The following FAM234A variants were observed in gnomAD, a reference collection of about 807,000 sequenced individuals.
The protein encoded by FAM234A is family with sequence similarity 234 member A, also known as protein FAM234A.
A neutral mutation model predicts 49.1 loss-of-function variants in FAM234A; 42 were observed. That is an observed-to-expected ratio of 0.86 (90% CI 0.67 to 1.11). FAM234A has a LOEUF of 1.11. Among genes scored for constraint, FAM234A ranks in the 50% least tolerant of loss-of-function variants. The pLI is 0.00. For synonymous variants in FAM234A, 369 were observed against 316.2 expected, an observed-to-expected ratio of 1.17 and a Z score of -1.77; for missense variants, 815 against 745.2, an observed-to-expected ratio of 1.09 and a Z score of -1.09.
intron 2 of FAM234A, among the ~76,000 whole-genome samples, chr16:252,448 C>G (rs1194231107): frequency 6.6e-6 from 1 of 152,098 alleles, no homozygotes; most frequent in East Asian, 1.9e-4. Flanking sequence ...CTCAAAAGTG[C>G]TGGGATTACA....
intron 5 of FAM234A, among the ~76,000 whole-genome samples, chr16:260,972 G>A (rs1398375393): frequency 2.0e-5 from 3 of 152,154 alleles, no homozygotes; most frequent in African/African-American, 7.2e-5. Context: ...CCAAGGGCAC[G>A]CCTGCAACCC....
chr16:267,748 C>T (rs979446580), downstream of FAM234A, among the ~76,000 whole-genome samples: 4 of 150,238 alleles, frequency 2.7e-5, no homozygotes, highest in Non-Finnish European at 4.4e-5. Context: ...CAGTGCTACA[C>T]ATGCCTCATA....
At chr16:256,304 C>T (rs1273636023) in intron 3 of FAM234A, among the ~76,000 whole-genome samples, 4 of 152,082 alleles carry the variant, frequency 2.6e-5, no homozygotes, top group Non-Finnish European at 5.9e-5. Context: ...AGCGACTGCA[C>T]CATTTGACTA....
chr16:269,292 C>A (rs2051805304), downstream of FAM234A: 1 of 1,580,558 alleles, frequency 6.3e-7, no homozygotes, highest in East Asian at 2.3e-5. Flanking sequence ...TCTCCACCCC[C>A]AGGGCCACAA....
chr16:251,839 T>C (rs2051025954), intron 2 of FAM234A, among the ~76,000 whole-genome samples: 1 of 150,330 alleles, frequency 6.7e-6, no homozygotes, highest in Non-Finnish European at 1.5e-5. Context: ...CCATCTCTAC[T>C]AAAAATACAA....
chr16:235,539 A>G (rs907815909), intron 1 of FAM234A, among the ~76,000 whole-genome samples: 2 of 152,100 alleles, frequency 1.3e-5, no homozygotes, highest in African/African-American at 4.8e-5. Context: ...GACTGATAGG[A>G]TATCAGGGTA....
chr16:235,062 G>T (rs1203745675), intron 1 of FAM234A, among the ~76,000 whole-genome samples: 1 of 152,226 alleles, frequency 6.6e-6, no homozygotes, highest in Non-Finnish European at 1.5e-5. Flanking sequence ...CAGCGGGTCG[G>T]CAGCAGCGCC....
chr16:265,452 C>G lies in FAM234A; in HGVS notation c.*430C>G, dbSNP rs1446949889. On this transcript the variant is annotated 3_prime_UTR_variant, in exon 13 of 13. Coordinates refer to ENST00000399932, the MANE Select transcript of FAM234A (RefSeq NM_032039.4). ...GGGTGTCCCCGGGACAGGCCGTCCC[C>G]CACCCCATCCTGTAGAAGTCCATTC... 3.0e-6 allele frequency: 3 copies of G among 999,964 alleles called. No individual in the cohort carries two copies. Among genetic ancestry groups the G allele is most frequent in the South Asian group, 9.1e-5 (2 of 22,088 alleles). 61.9% of individuals were successfully genotyped at this position (999,964 alleles called of 1,614,324 possible).
chr16:239,250 A>C lies in FAM234A; in HGVS notation c.-140+4393A>C, dbSNP rs576331419. Among the ~76,000 whole-genome samples, 49 of 137,282 alleles carry C rather than the reference A, an allele frequency of 3.6e-4. No homozygotes were observed. The South Asian group carries it at 9.8e-3, about 28-fold the overall frequency. 90.1% of individuals were successfully genotyped at this position (137,282 alleles called of 152,430 possible). On this transcript the variant is annotated intron_variant, in intron 1 of 12. Coordinates refer to ENST00000399932, the MANE Select transcript of FAM234A (RefSeq NM_032039.4). ...AGGAGGCAGAGGTTGCAGTGAGCTG[A>C]GATTGCACCACTACATTCCAGCCTG...
downstream of FAM234A, among the ~76,000 whole-genome samples, chr16:268,082 A>G (rs1323829470): frequency 7.3e-6 from 1 of 137,064 alleles, no homozygotes; most frequent in East Asian, 2.3e-4. Flanking sequence ...CTATGCGTAC[A>G]CACACTTGTG....
At position 265,118 on chromosome 16, in the gene FAM234A, C is replaced by A. The variant is rs555763394; in HGVS notation, c.*96C>A. On this transcript the variant is annotated 3_prime_UTR_variant, in exon 13 of 13. Coordinates refer to ENST00000399932, the MANE Select transcript of FAM234A (RefSeq NM_032039.4). ...CCCTGGGTCTCTGCACTGACTCCCC[C>A]ACTCCTGACCCTGGTGATGGTCGCC... 86 of 1,480,350 alleles carry A rather than the reference C, an allele frequency of 5.8e-5. No individual in the cohort carries two copies. The highest frequency in any genetic ancestry group is 3.6e-4 in the Middle Eastern group (2 of 5,534). The allele number at this position is 1,480,350 out of a possible 1,614,324, so 91.7% of individuals were successfully genotyped here.
Position 264,887 on chromosome 16 carries a change from G to T in FAM234A, c.1524G>T (p.Leu508=). The T allele has an allele frequency of 6.2e-7, 1 of 1,612,902 alleles. No individual in the cohort carries two copies. ...TGPADSEAPG[L]VSVIKHKVRD... is the part of the protein sequence containing the mutation. Reference sequence around the variant, plus strand: ...CGGCAGACTCAGAGGCACCCGGCCTGGTCTCTGTGATCAAGCACAAGGTGC... The same window carrying T: ...CGGCAGACTCAGAGGCACCCGGCCTTGTCTCTGTGATCAAGCACAAGGTGC... The change falls in exon 13 of 13, where the codon CTG becomes CTT. Residue 508 remains leucine, a synonymous_variant. Coordinates refer to ENST00000399932, the MANE Select transcript of FAM234A (RefSeq NM_032039.4).
At chr16:238,779 A>AAG (rs1555459782) in intron 1 of FAM234A, among the ~76,000 whole-genome samples, 1 of 140,758 alleles carries the variant, frequency 7.1e-6, no homozygotes, top group East Asian at 2.1e-4. Flanking sequence ...AAAAAAAAAA[A>AAG]AAAAAAAGAA....
rs544490356 is a variant in FAM234A, at chr16:243,165, G to C, written c.-139-6384G>C. Among the ~76,000 whole-genome samples the C allele has an allele frequency of 2.0e-5, 3 of 152,024 alleles. No individual in the cohort carries two copies. The East Asian group carries it at 5.8e-4, about 29-fold the overall frequency. ...CTAATTTTATTTTACTTTTTGTAGA[G>C]ATGGGGTCTCCCCATGTTGCCCAGA... On this transcript the variant is annotated intron_variant, in intron 1 of 12. Coordinates refer to ENST00000399932, the MANE Select transcript of FAM234A (RefSeq NM_032039.4).
chr16:263,561 C>G (rs2051567161), intron 9 of FAM234A, 139 bp from the exon 10 acceptor site: 6 of 1,278,996 alleles, frequency 4.7e-6, no homozygotes, highest in Non-Finnish European at 6.6e-6. Context: ...CCCCTTGCCC[C>G]AGACGTCGGC....
At chr16:263,012 G>T (rs565592181) in intron 8 of FAM234A, among the ~76,000 whole-genome samples, 1 of 152,194 alleles carries the variant, frequency 6.6e-6, no homozygotes, top group Non-Finnish European at 1.5e-5. Context: ...TAGAGACGGG[G>T]TTTCTCCATG....
At chr16:251,794 G>C (rs2141260798) in intron 2 of FAM234A, among the ~76,000 whole-genome samples, 1 of 149,970 alleles carries the variant, frequency 6.7e-6, no homozygotes, top group South Asian at 2.1e-4. Context: ...ACGAGGTCAG[G>C]AGATCGAGAC....
At chr16:253,720 CGCCTCGGCCTGCCAAA>C in intron 2 of FAM234A, 1 of 152,450 alleles carries the variant, frequency 6.6e-6, no homozygotes, top group South Asian at 2.1e-4. Flanking sequence ...GTGATCCGCA[CGCCTCGGCCTGCCAAA>C]GTACTGGGAT....
rs1567221829 is a variant in FAM234A at position 259,519 on chromosome 16, G to C, written c.305G>C (p.Gly102Ala). 1.9e-6 allele frequency: 3 copies of C among 1,611,866 alleles called. No homozygotes were observed. The highest frequency in any genetic ancestry group is 1.7e-5 in the Admixed American group (1 of 59,992). ...YDFLAVDDIN[G>A]DRIQDVLFLY... Reference sequence around the variant, plus strand: ...TTTCTGGCTGTGGATGATATAAACGGGGACAGGATCCAAGATGTTCTTTTT... The same window carrying C: ...TTTCTGGCTGTGGATGATATAAACGCGGACAGGATCCAAGATGTTCTTTTT... Residue 102 changes from glycine (G) to alanine (A), a missense_variant, in exon 4 of 13, where the codon GGG becomes GCG. Gly to Ala is a moderately conservative substitution (Grantham distance 60, BLOSUM62 0). Coordinates refer to ENST00000399932, the MANE Select transcript of FAM234A (RefSeq NM_032039.4).
Sources: gnomAD v4.1 joint callset for allele counts (sites outside exome capture counted in the v4.1 genomes callset) on GRCh38, gnomAD v4.1.1 for gene constraint, MANE v1.5 for transcripts, NCBI Gene and HGNC (gene_info 2026-07-23, HGNC 2026-07-21) for gene names.